Variants in EIF5B observed in about 807,000 individuals in gnomAD.
The protein encoded by EIF5B is eukaryotic translation initiation factor 5B.
In EIF5B, 47 loss-of-function variants were observed where a neutral mutation model predicts 147.5. The ratio of observed to expected loss-of-function variants is 0.32; its 90% CI spans 0.25 to 0.41. EIF5B has a LOEUF of 0.41. Ranked by LOEUF, EIF5B falls within the 10% of genes least tolerant of loss-of-function variation. The pLI is 1.00. For synonymous variants in EIF5B, 455 were observed against 456.2 expected, an observed-to-expected ratio of 1.00 and a Z score of 0.03; for missense variants, 1,064 against 1,413.2, an observed-to-expected ratio of 0.75 and a Z score of 3.96.
chr2:99,389,600 G>GTAAA, intron 14 of EIF5B, 118 bp from the exon 15 acceptor site: 1 of 872,404 alleles, frequency 1.1e-6, no homozygotes, highest in Non-Finnish European at 1.6e-6. Context: ...AAGTGTATGA[G>GTAAA]TAAGTCACAC....
At chr2:99,344,431 GTTGTTT>G (rs1384974350) in intron 1 of EIF5B, among the ~76,000 whole-genome samples, 1 of 138,494 alleles carries the variant, frequency 7.2e-6, no homozygotes, top group Non-Finnish European at 1.6e-5. Context: ...TGTTGTTGTT[GTTGTTT>G]CTGGGTTTTT....
chr2:99,375,415 G>A (rs536932069), intron 9 of EIF5B, among the ~76,000 whole-genome samples: 27 of 152,310 alleles, frequency 1.8e-4, no homozygotes, highest in Non-Finnish European at 2.4e-4. Flanking sequence ...ATAATGGGGA[G>A]ATCCTGTTTA....
In EIF5B at chr2:99,401,106, G is replaced by T. The variant is rs1675329197; in HGVS notation, c.*1692G>T. ...TGACAAATTTGGCACTTTTTGAAAA[G>T]AAATGTACAAAACACTTGCTTTAAA... is the stretch of plus-strand genomic sequence containing the variant. On this transcript the variant is annotated 3_prime_UTR_variant, in exon 24 of 24. Coordinates refer to ENST00000289371, the MANE Select transcript of EIF5B (RefSeq NM_015904.4). The T allele has an allele frequency of 1.9e-6, 1 of 514,714 alleles. No individual in the cohort carries two copies. The highest frequency in any genetic ancestry group is 1.9e-5 in the African/African-American group (1 of 52,750). 31.9% of individuals were successfully genotyped at this position (514,714 alleles called of 1,614,324 possible).
intron 22 of EIF5B, chr2:99,397,568 C>T (rs1675080791): frequency 6.6e-6 from 1 of 152,264 alleles, no homozygotes; most frequent in Non-Finnish European, 1.5e-5. Context: ...CCCAACTAGA[C>T]ACAGGTTAGA....
At position 99,382,766 on chromosome 2, in the gene EIF5B, C is replaced by T. The variant is rs1559256818; in HGVS notation, c.2130-14C>T. On this transcript the variant is annotated splice_polypyrimidine_tract_variant and intron_variant, in intron 13 of 23. Transcript: ENST00000289371. ...AGATTTTCTACTTATAGATCTTTTCCTTCTTTTCAACAGTAATCTGAGAAA... is the reference window on the plus strand; with the variant it reads ...AGATTTTCTACTTATAGATCTTTTCTTTCTTTTCAACAGTAATCTGAGAAA... 6 of 1,574,654 alleles carry T rather than the reference C, an allele frequency of 3.8e-6. No homozygotes were observed. Among genetic ancestry groups the T allele is most frequent in the South Asian group, 1.2e-5 (1 of 83,752 alleles).
Position 99,369,372 on chromosome 2 carries a change from G to C in EIF5B, c.1388-20G>C, listed in dbSNP as rs765254055. The C allele has an allele frequency of 6.9e-6, 11 of 1,587,678 alleles. No homozygotes were observed. In the Admixed American group the frequency reaches 1.2e-4, roughly 18 times the overall value. On this transcript the variant is annotated intron_variant, in intron 7 of 23. Coordinates refer to ENST00000289371, the MANE Select transcript of EIF5B (RefSeq NM_015904.4). The stretch of plus-strand genomic sequence containing the variant: ...TATACACCAAAAAAAATATTATCTT[G>C]GTTTCTGCCCCTTTTTCAGTGTCTG...
chr2:99,348,206 T>C (rs2094277348), intron 1 of EIF5B, among the ~76,000 whole-genome samples: 2 of 152,220 alleles, frequency 1.3e-5, no homozygotes, highest in Admixed American at 6.5e-5. Flanking sequence ...TGCATTGCAT[T>C]GTATAATATA....
At chr2:99,368,758 A>C (rs1056056851) in intron 7 of EIF5B, among the ~76,000 whole-genome samples, 167 bp downstream of exon 7, 2 of 152,248 alleles carry the variant, frequency 1.3e-5, no homozygotes, top group Non-Finnish European at 2.9e-5. Context: ...CTTGATTCAA[A>C]TGACAAGCTA....
Position 99,337,583 on chromosome 2 carries a change from A to C in EIF5B, c.29A>C (p.Glu10Ala). The C allele has an allele frequency of 6.2e-7, 1 of 1,612,980 alleles. No individual in the cohort carries two copies. Among genetic ancestry groups the C allele is most frequent in the Non-Finnish European group, 8.5e-7 (1 of 1,179,580 alleles). The change falls in exon 1 of 24, where the codon GAA (glutamate) becomes GCA (alanine). Residue 10 changes from glutamate to alanine, a missense_variant. Transcript: ENST00000289371. MGKKQKNKS[E>A]DSTKDDIDLD... ...GGGAAGAAACAGAAAAACAAGAGCGAAGACAGGTAGATAGGGGTTGGGTCC... is the reference window on the plus strand; with the variant it reads ...GGGAAGAAACAGAAAAACAAGAGCGCAGACAGGTAGATAGGGGTTGGGTCC...
chr2:99,378,652 A>G (rs992378986), intron 10 of EIF5B, among the ~76,000 whole-genome samples: 1 of 152,270 alleles, frequency 6.6e-6, no homozygotes, highest in African/African-American at 2.4e-5. Context: ...AAATCCTCAC[A>G]CAAATTCAGG....
chr2:99,380,733 TAA>T (rs974841283), intron 12 of EIF5B, among the ~76,000 whole-genome samples: 43 of 152,228 alleles, frequency 2.8e-4, no homozygotes, highest in African/African-American at 1.0e-3. Flanking sequence ...GTTCTGCATG[TAA>T]AAAGAGTCTA....
chr2:99,393,854 G>T (rs1415355659), intron 18 of EIF5B, among the ~76,000 whole-genome samples: 1 of 152,190 alleles, frequency 6.6e-6, no homozygotes, highest in Non-Finnish European at 1.5e-5. Flanking sequence ...ATGGAGGAAG[G>T]AGCTGCTGAG....
Position 99,394,403 on chromosome 2 carries a change from G to C in EIF5B, c.3012+5G>C. 6.2e-7 allele frequency: 1 copy of C among 1,613,880 alleles called. No individual in the cohort carries two copies. Among genetic ancestry groups the C allele is most frequent in the Non-Finnish European group, 8.5e-7 (1 of 1,179,952 alleles). On this transcript the variant is annotated splice_donor_5th_base_variant and intron_variant, in intron 19 of 23. Transcript: ENST00000289371. Reference sequence around the variant, plus strand: ...CTGAAAACATCAGAAGTGCCCGTAAGTAACTACAACTCGCTCCACAAGTGA... The same window carrying C: ...CTGAAAACATCAGAAGTGCCCGTAACTAACTACAACTCGCTCCACAAGTGA...
intron 1 of EIF5B, among the ~76,000 whole-genome samples, chr2:99,355,245 C>T (rs1674070510): frequency 6.6e-6 from 1 of 152,010 alleles, no homozygotes; most frequent in Non-Finnish European, 1.5e-5. Context: ...AGTCTTTTTT[C>T]AAAATTGGTT....
chr2:99,378,008 C>T (rs1018633431), intron 10 of EIF5B, among the ~76,000 whole-genome samples: 1 of 152,166 alleles, frequency 6.6e-6, no homozygotes, highest in African/African-American at 2.4e-5. Context: ...AGGCAGTTTT[C>T]AGCCATATCA....
intron 9 of EIF5B, among the ~76,000 whole-genome samples, chr2:99,372,429 C>A (rs1674472054): frequency 6.6e-6 from 1 of 152,212 alleles, no homozygotes; most frequent in South Asian, 2.1e-4. Context: ...ACCTCCACCT[C>A]CCGGGTTCAA....
intron 9 of EIF5B, among the ~76,000 whole-genome samples, chr2:99,373,448 G>A (rs1674496444): frequency 6.6e-6 from 1 of 152,148 alleles, no homozygotes; most frequent in African/African-American, 2.4e-5. Flanking sequence ...AGGGCAAGAG[G>A]AGCAAACTCT....
rs777933430 is a variant in EIF5B, at chr2:99,376,605, G to C, written c.1811G>C (p.Arg604Thr). 1.2e-6 allele frequency: 2 copies of C among 1,611,374 alleles called. No homozygotes were observed. The highest frequency in any genetic ancestry group is 1.7e-6 in the Non-Finnish European group (2 of 1,179,206). The change falls in exon 10 of 24, where the codon AGG becomes ACG. Residue 604 changes from arginine to threonine, a missense_variant. Arg to Thr is a moderately conservative substitution (Grantham distance 71, BLOSUM62 -1). Coordinates refer to ENST00000289371, the MANE Select transcript of EIF5B (RefSeq NM_015904.4). ...DSDDDRTKEE[R>T]AYDKAKRRIE... ...GATGATGATCGGACTAAAGAAGAAAGGGCTTATGACAAAGCAAAACGGAGG... is the reference window on the plus strand; with the variant it reads ...GATGATGATCGGACTAAAGAAGAAACGGCTTATGACAAAGCAAAACGGAGG...
chr2:99,368,359 A>C (rs2104194736), intron 6 of EIF5B, 134 bp from the exon 7 acceptor site: 1 of 699,760 alleles, frequency 1.4e-6, no homozygotes, highest in East Asian at 2.7e-5. Context: ...AAAAGATACA[A>C]GTTTTTCCAT....
Sources: allele counts gnomAD v4.1 joint callset (sites outside exome capture counted in the v4.1 genomes callset), GRCh38; gene constraint gnomAD v4.1.1; transcripts MANE v1.5; gene names NCBI Gene and HGNC (gene_info 2026-07-23, HGNC 2026-07-21).